The following DPYD variants were observed in gnomAD, a reference collection of about 807,000 sequenced individuals.
The protein encoded by DPYD is dihydropyrimidine dehydrogenase [NADP(+)].
A neutral mutation model predicts 116.2 loss-of-function variants in DPYD; 109 were observed. That is an observed-to-expected ratio of 0.94 (90% CI 0.80 to 1.10). The LOEUF is 1.10. Ranked by LOEUF, DPYD falls within the 50% of genes least tolerant of loss-of-function variation. The probability of loss-of-function intolerance (pLI) is 0.00; values close to 1 mark genes in which losing one functional copy is unlikely to be tolerated. For synonymous variants in DPYD, 440 were observed against 432.0 expected (o/e 1.02, Z -0.23); for missense variants, 1,302 against 1,254.5 (o/e 1.04, Z -0.57).
chr1:97,540,640 A>G (rs1260353603), intron 12 of DPYD, among the ~76,000 whole-genome samples: 1 of 152,166 alleles, frequency 6.6e-6, no homozygotes, highest in Non-Finnish European at 1.5e-5. Flanking sequence ...TTGAGTTTTT[A>G]TGGAAAGTTC....
intron 20 of DPYD, among the ~76,000 whole-genome samples, chr1:97,130,745 CTT>C (rs1653227183): frequency 2.2e-5 from 1 of 44,908 alleles, no homozygotes; most frequent in South Asian, 9.9e-4. Context: ...TTTCTTTCTT[CTT>C]TCTCCCTTCC....
chr1:97,578,293 A>G (rs1051140153), intron 10 of DPYD, among the ~76,000 whole-genome samples: 1 of 152,166 alleles, frequency 6.6e-6, no homozygotes, highest in Non-Finnish European at 1.5e-5. Context: ...CAATCTTCAG[A>G]CAGAAAATGT....
intron 13 of DPYD, among the ~76,000 whole-genome samples, chr1:97,489,275 T>A (rs1443465559): frequency 6.6e-6 from 1 of 152,196 alleles, no homozygotes; most frequent in African/African-American, 2.4e-5. Context: ...ACACCTGAGC[T>A]CATGTTCCTA....
At chr1:97,886,002 C>T (rs1424629078) in intron 1 of DPYD, among the ~76,000 whole-genome samples, 1 of 151,864 alleles carries the variant, frequency 6.6e-6, no homozygotes, top group Non-Finnish European at 1.5e-5. Flanking sequence ...AGACTGACTC[C>T]CATAAAAATA....
chr1:97,312,007 A>T (rs915501128), intron 16 of DPYD, among the ~76,000 whole-genome samples: 1 of 151,632 alleles, frequency 6.6e-6, no homozygotes, highest in Non-Finnish European at 1.5e-5. Flanking sequence ...GAGGTGTTGG[A>T]GATGTTCTAT....
At chr1:97,771,974 T>G (rs560855156) in intron 3 of DPYD, among the ~76,000 whole-genome samples, 11 of 152,258 alleles carry the variant, frequency 7.2e-5, no homozygotes, top group African/African-American at 2.6e-4. Flanking sequence ...GCTATAAAAT[T>G]TAGTAAGTAG....
chr1:97,172,379 G>C (rs1014902845), intron 20 of DPYD, among the ~76,000 whole-genome samples: 4 of 152,148 alleles, frequency 2.6e-5, no homozygotes, highest in Non-Finnish European at 5.9e-5. Context: ...GACATGATTT[G>C]ATACAAAGTA....
At chr1:97,871,603 A>G (rs1049705635) in intron 2 of DPYD, among the ~76,000 whole-genome samples, 2 of 151,654 alleles carry the variant, frequency 1.3e-5, no homozygotes, top group African/African-American at 4.8e-5. Context: ...AAAAAAAAAA[A>G]ATCACAGAAA....
In DPYD at chr1:97,213,571, A is replaced by C. The variant is rs147359184; in HGVS notation, c.2443-20323T>G. On this transcript the variant is annotated intron_variant, in intron 19 of 22. Coordinates refer to ENST00000370192, the MANE Select transcript of DPYD (RefSeq NM_000110.4). Reference sequence around the variant, plus strand: ...TTTTAAATGACAATTAGAATGGTTAAAACTTCTAAATGGTCAGATTGACCT... The same window carrying C: ...TTTTAAATGACAATTAGAATGGTTACAACTTCTAAATGGTCAGATTGACCT... Among the ~76,000 whole-genome samples the C allele has an allele frequency of 7.0e-4, 107 of 152,282 alleles. 1 individual carries two copies. The highest frequency in any genetic ancestry group is 3.4e-3 in the Middle Eastern group (1 of 294).
At chr1:97,722,876 A>G (rs1400019215) in intron 4 of DPYD, among the ~76,000 whole-genome samples, 1 of 151,604 alleles carries the variant, frequency 6.6e-6, no homozygotes, top group East Asian at 1.9e-4. Flanking sequence ...TCGATCAAAA[A>G]TTCCTAGATG....
At chr1:97,843,187 T>C (rs1166396126) in intron 2 of DPYD, among the ~76,000 whole-genome samples, 3 of 152,144 alleles carry the variant, frequency 2.0e-5, no homozygotes, top group Admixed American at 6.5e-5. Context: ...TCCCTTCTTA[T>C]TAATTGAGCT....
intron 19 of DPYD, among the ~76,000 whole-genome samples, chr1:97,232,563 G>T (rs938883239): frequency 6.6e-6 from 1 of 151,998 alleles, no homozygotes; most frequent in African/African-American, 2.4e-5. Context: ...ACAGTTCCCT[G>T]AGGGCTGTTT....
chr1:97,706,822 A>T (rs982322249), intron 5 of DPYD, among the ~76,000 whole-genome samples: 1 of 152,094 alleles, frequency 6.6e-6, no homozygotes, highest in African/African-American at 2.4e-5. Context: ...ATAAATATCC[A>T]TGTGCAGGTT....
Position 97,845,710 on chromosome 1 carries a change from A to G in DPYD, c.151-17514T>C, listed in dbSNP as rs1444539123. ...TACTGCTCGCCAGGTTGTGGGAGAC[A>G]TGAAGGAGAGGAGAGCTGTGGCCCT... On this transcript the variant is annotated intron_variant, in intron 2 of 22. Coordinates refer to ENST00000370192, the MANE Select transcript of DPYD (RefSeq NM_000110.4). Among the ~76,000 whole-genome samples the G allele has an allele frequency of 2.0e-5, 3 of 152,218 alleles. No individual in the cohort carries two copies. The East Asian group carries it at 5.8e-4, about 29-fold the overall frequency.
chr1:97,733,163 G>C (rs1473145056), intron 4 of DPYD, among the ~76,000 whole-genome samples: 1 of 152,008 alleles, frequency 6.6e-6, no homozygotes, highest in Non-Finnish European at 1.5e-5. Context: ...CAATCTGGGA[G>C]GAAAATCTTG....
chr1:97,323,284 A>ATATACATATGTGTATATGTACACGTATG (rs1668428576), intron 16 of DPYD, among the ~76,000 whole-genome samples: 2 of 145,350 alleles, frequency 1.4e-5, no homozygotes, highest in South Asian at 4.3e-4. Flanking sequence ...GTACACGTAT[A>ATATACATATGTGTATATGTACACGTATG]TATACATATG....
At chr1:97,790,264 C>T (rs1048667323) in intron 3 of DPYD, among the ~76,000 whole-genome samples, 1 of 152,160 alleles carries the variant, frequency 6.6e-6, no homozygotes, top group Non-Finnish European at 1.5e-5. Context: ...ACCCAGCTGA[C>T]TTCAAGATCA....
intron 14 of DPYD, among the ~76,000 whole-genome samples, chr1:97,403,896 A>C (rs1673506981): frequency 6.6e-6 from 1 of 151,922 alleles, no homozygotes; most frequent in Non-Finnish European, 1.5e-5. Flanking sequence ...CATTAATTTT[A>C]AATCTTTCTT....
chr1:97,639,616 A>G (rs1657766533), intron 8 of DPYD, among the ~76,000 whole-genome samples: 1 of 152,180 alleles, frequency 6.6e-6, no homozygotes, highest in Non-Finnish European at 1.5e-5. Flanking sequence ...TATATCAAAT[A>G]ATCAATGGTC....
Sources: allele counts gnomAD v4.1 joint callset (sites outside exome capture counted in the v4.1 genomes callset), GRCh38; gene constraint gnomAD v4.1.1; transcripts MANE v1.5; gene names NCBI Gene and HGNC (gene_info 2026-07-23, HGNC 2026-07-21).